Variants in CCDC178 observed in about 807,000 individuals in gnomAD.
The protein encoded by CCDC178 is coiled-coil domain containing 178, also known as coiled-coil domain-containing protein 178.
CCDC178 carries 126 observed loss-of-function variants against 117.4 expected under a neutral mutation model. The observed-to-expected ratio is 1.07, with a 90% CI of 0.93 to 1.24. The LOEUF (loss-of-function observed/expected upper bound fraction) is 1.24. CCDC178 is among the 50% of genes most tolerant of loss of function. CCDC178 has a pLI of 0.00. For synonymous variants in CCDC178, 283 were observed against 313.4 expected, an observed-to-expected ratio of 0.90 and a Z score of 1.02; for missense variants, 1,030 against 986.9, an observed-to-expected ratio of 1.04 and a Z score of -0.59.
At chr18:33,224,009 T>C (rs1032969300) in intron 17 of CCDC178, among the ~76,000 whole-genome samples, 5 of 152,198 alleles carry the variant, frequency 3.3e-5, no homozygotes, top group Non-Finnish European at 7.4e-5. Flanking sequence ...GCCTATTTCA[T>C]AGGAAGGCTT....
intron 22 of CCDC178, among the ~76,000 whole-genome samples, chr18:32,962,252 T>C (rs2054719058): frequency 6.6e-6 from 1 of 152,098 alleles, no homozygotes; most frequent in Non-Finnish European, 1.5e-5. Context: ...TACTACAATG[T>C]TGTAATTTTT....
chr18:32,969,971 T>C (rs570539674), intron 22 of CCDC178, among the ~76,000 whole-genome samples: 17 of 152,184 alleles, frequency 1.1e-4, no homozygotes, highest in African/African-American at 3.9e-4. Context: ...AGCTCTGACA[T>C]GAAGTTAGGA....
intron 20 of CCDC178, among the ~76,000 whole-genome samples, chr18:33,093,831 T>C (rs1205631476): frequency 6.6e-6 from 1 of 152,056 alleles, no homozygotes; most frequent in African/African-American, 2.4e-5. Context: ...ATTACAATGT[T>C]ATTTATAATA....
At chr18:33,385,561 C>T (rs1248768838) in intron 5 of CCDC178, among the ~76,000 whole-genome samples, 1 of 152,176 alleles carries the variant, frequency 6.6e-6, no homozygotes, top group Non-Finnish European at 1.5e-5. Flanking sequence ...AAAAAGCCCA[C>T]TCAAAACCAC....
chr18:33,048,808 A>T (rs552183940), intron 21 of CCDC178, among the ~76,000 whole-genome samples: 2 of 152,272 alleles, frequency 1.3e-5, no homozygotes, highest in African/African-American at 4.8e-5. Context: ...ACATATTACA[A>T]TTTCAGATTT....
chr18:33,146,584 G>A (rs911064674), intron 20 of CCDC178, among the ~76,000 whole-genome samples: 6 of 152,140 alleles, frequency 3.9e-5, no homozygotes, highest in Admixed American at 6.5e-5. Context: ...CCAGAAGGTC[G>A]AGGCTGCAGT....
intron 14 of CCDC178, among the ~76,000 whole-genome samples, chr18:33,245,726 C>A (rs1172466126): frequency 6.6e-6 from 1 of 151,844 alleles, no homozygotes; most frequent in Non-Finnish European, 1.5e-5. Context: ...CTTCTATACT[C>A]CTTTCCATTT....
chr18:33,389,379 ATAC>A (rs1266845076), intron 5 of CCDC178, among the ~76,000 whole-genome samples, 158 bp downstream of exon 5: 3 of 151,826 alleles, frequency 2.0e-5, no homozygotes, highest in Non-Finnish European at 4.4e-5. Flanking sequence ...TTGATACAAT[ATAC>A]TACATTATAT....
intron 7 of CCDC178, among the ~76,000 whole-genome samples, chr18:33,352,769 A>T (rs557730447): frequency 3.9e-5 from 6 of 152,082 alleles, no homozygotes; most frequent in African/African-American, 9.7e-5. Context: ...ATTGGGTCAG[A>T]AAAAAATACC....
rs1361616679 is a variant in CCDC178 at position 33,143,579 on chromosome 18, T to C, written c.2239-50669A>G. Among the ~76,000 whole-genome samples, 4 of 152,142 alleles carry C rather than the reference T, an allele frequency of 2.6e-5. No homozygotes were observed. In the East Asian group the frequency reaches 7.7e-4, roughly 29 times the overall value. ...GTAGGATTCCATTGTTTTCATGAAG[T>C]CTGTAGTGAAATAATGTTCCCTAAT... On this transcript the variant is annotated intron_variant, in intron 20 of 22. Transcript: ENST00000383096.
intron 20 of CCDC178, among the ~76,000 whole-genome samples, chr18:33,157,247 C>G (rs2058412031): frequency 6.6e-6 from 1 of 152,060 alleles, no homozygotes; most frequent in South Asian, 2.1e-4. Context: ...ATACTTCTGC[C>G]TTTGACTTTC....
chr18:33,036,327 C>G (rs1276731411), intron 21 of CCDC178, among the ~76,000 whole-genome samples: 4 of 151,836 alleles, frequency 2.6e-5, no homozygotes, highest in South Asian at 2.1e-4. Flanking sequence ...TTAATATACT[C>G]ATCAATTATT....
At chr18:32,994,229 C>T (rs954059516) in intron 21 of CCDC178, among the ~76,000 whole-genome samples, 3 of 152,094 alleles carry the variant, frequency 2.0e-5, no homozygotes, top group Admixed American at 2.0e-4. Flanking sequence ...TTTCTCCAAA[C>T]TTACTGCCAT....
chr18:33,081,507 C>T lies in CCDC178; in HGVS notation c.2388+11254G>A, dbSNP rs533365121. ...GTTTCATATTAGAATCAAAAGATTGCTGTAGCTTGCTTGATTCAAAAAGTC... is the reference window on the plus strand; with the variant it reads ...GTTTCATATTAGAATCAAAAGATTGTTGTAGCTTGCTTGATTCAAAAAGTC... On this transcript the variant is annotated intron_variant, in intron 21 of 22. Coordinates refer to ENST00000383096, the MANE Select transcript of CCDC178 (RefSeq NM_001105528.4). Among the ~76,000 whole-genome samples, 3 of 152,268 alleles carry T rather than the reference C, an allele frequency of 2.0e-5. No individual in the cohort carries two copies. In the South Asian group the frequency reaches 6.2e-4, roughly 32 times the overall value.
intron 20 of CCDC178, among the ~76,000 whole-genome samples, chr18:33,108,336 A>G (rs1399250243): frequency 1.3e-5 from 2 of 151,644 alleles, no homozygotes; most frequent in Non-Finnish European, 3.0e-5. Context: ...CTTAATTTTA[A>G]AAAATTATGT....
At chr18:33,140,008 G>C (rs1295478452) in intron 20 of CCDC178, among the ~76,000 whole-genome samples, 1 of 152,114 alleles carries the variant, frequency 6.6e-6, no homozygotes, top group Non-Finnish European at 1.5e-5. Flanking sequence ...GACTAAAAGG[G>C]GCCAAGGTAC....
chr18:33,035,932 G>A (rs1218212850), intron 21 of CCDC178, among the ~76,000 whole-genome samples: 4 of 151,930 alleles, frequency 2.6e-5, no homozygotes, highest in African/African-American at 9.7e-5. Flanking sequence ...AAATAAAAAT[G>A]TTCAAAGATT....
At chr18:33,005,083 C>T (rs2055720268) in intron 21 of CCDC178, among the ~76,000 whole-genome samples, 1 of 151,976 alleles carries the variant, frequency 6.6e-6, no homozygotes, top group Non-Finnish European at 1.5e-5. Flanking sequence ...AAAAATAGAG[C>T]TCCCATATGA....
chr18:33,323,954 C>T (rs932957009), intron 10 of CCDC178, among the ~76,000 whole-genome samples: 5 of 151,668 alleles, frequency 3.3e-5, no homozygotes, highest in South Asian at 4.1e-4. Flanking sequence ...GATGAAATAT[C>T]GCAAACAAAG....
Sources: gnomAD v4.1 joint callset for allele counts (sites outside exome capture counted in the v4.1 genomes callset) on GRCh38, gnomAD v4.1.1 for gene constraint, MANE v1.5 for transcripts, NCBI Gene and HGNC (gene_info 2026-07-23, HGNC 2026-07-21) for gene names.